MRPL37: variants seen among roughly 807,000 people sequenced by gnomAD.
The protein encoded by MRPL37 is large ribosomal subunit protein mL37.
Under a neutral mutation model 44.1 loss-of-function variants are expected in MRPL37, and 34 were observed. The ratio of observed to expected loss-of-function variants is 0.77; its 90% CI spans 0.59 to 1.03. The LOEUF (loss-of-function observed/expected upper bound fraction) is 1.03, where lower values mean the gene tolerates loss of function less well. Among genes scored for constraint, MRPL37 ranks in the 50% least tolerant of loss-of-function variants. The pLI is 0.00. For missense variants in MRPL37, 532 were observed against 543.7 expected, an observed-to-expected ratio of 0.98 and a Z score of 0.21; for synonymous variants, 212 against 219.5, an observed-to-expected ratio of 0.97 and a Z score of 0.30.
chr1:54,220,601 C>T (rs41309151), downstream of MRPL37: 15,140 of 469,266 alleles, frequency 0.032, 351 homozygotes, highest in Non-Finnish European at 0.046. Context: ...GACAGCTGCC[C>T]CCTCCACAGA....
At chr1:54,212,412 C>G in intron 4 of MRPL37, 89 bp from the exon 5 acceptor site, 1 of 1,482,766 alleles carries the variant, frequency 6.7e-7, no homozygotes, top group Non-Finnish European at 9.3e-7. Flanking sequence ...TAGCACCTGT[C>G]CCTGGGCTAA....
At position 54,200,581 on chromosome 1, in the gene MRPL37, T is replaced by G; in HGVS notation, c.338T>G (p.Leu113Arg). 6.3e-7 allele frequency: 1 copy of G among 1,593,854 alleles called. No individual in the cohort carries two copies. The highest frequency in any genetic ancestry group is 8.6e-7 in the Non-Finnish European group (1 of 1,165,512). ...TATATCTTTCACCACCGTTGCCGCC[T>G]TCTCGAGGGTGAGGCCCCAGGACGG... ...ACYIFHHRCRLLEGVKQALWL... is the reference protein window; with the variant it reads ...ACYIFHHRCRRLEGVKQALWL... Residue 113 changes from leucine (L) to arginine (R), a missense_variant, in exon 1 of 7, where the codon CTT becomes CGT. Coordinates refer to ENST00000360840, the MANE Select transcript of MRPL37 (RefSeq NM_016491.4).
Position 54,200,487 on chromosome 1 carries a change from T to C in MRPL37, c.244T>C (p.Tyr82His). ...GATCTTTCCGCCCTGGGACCGCGGC[T>C]ACAAGGACCCAAGGTTCTACCGCTC... ...RPIFPPWDRGYKDPRFYRSPP... is the reference protein window; with the variant it reads ...RPIFPPWDRGHKDPRFYRSPP... Residue 82 changes from tyrosine (Y) to histidine (H), a missense_variant, in exon 1 of 7, where the codon TAC becomes CAC. Transcript: ENST00000360840. 6.2e-7 allele frequency: 1 copy of C among 1,614,222 alleles called. No individual in the cohort carries two copies. Among genetic ancestry groups the C allele is most frequent in the East Asian group, 2.2e-5 (1 of 44,884 alleles).
Position 54,205,436 on chromosome 1 carries a change from C to A in MRPL37, c.646+26C>A, listed in dbSNP as rs1036714778. 1.9e-6 allele frequency: 3 copies of A among 1,588,952 alleles called. No homozygotes were observed. In the African/African-American group the frequency reaches 4.0e-5, roughly 21 times the overall value. ...GTTGGTCATCTTGTACACCAGAAAGCCTTGGTCTGTTTTTTTTGCCTTTCT... is the reference window on the plus strand; with the variant it reads ...GTTGGTCATCTTGTACACCAGAAAGACTTGGTCTGTTTTTTTTGCCTTTCT... On this transcript the variant is annotated intron_variant, in intron 3 of 6. Coordinates refer to ENST00000360840, the MANE Select transcript of MRPL37 (RefSeq NM_016491.4).
downstream of MRPL37, chr1:54,220,751 G>A (rs767285848): frequency 4.2e-6 from 2 of 471,440 alleles, no homozygotes; most frequent in South Asian, 1.5e-5. Context: ...CAGCCAGTGA[G>A]CTGGTGAAGG....
chr1:54,213,446 T>C (rs937312832), intron 5 of MRPL37, among the ~76,000 whole-genome samples: 2 of 152,198 alleles, frequency 1.3e-5, no homozygotes, highest in Non-Finnish European at 2.9e-5. Context: ...TCCCATCTTA[T>C]TTGGCCTAGG....
chr1:54,201,694 T>G (rs867704290), intron 1 of MRPL37, among the ~76,000 whole-genome samples: 34 of 152,166 alleles, frequency 2.2e-4, no homozygotes, highest in African/African-American at 7.2e-4. Context: ...CATACTCAGA[T>G]TCTCCTCCTA....
intron 3 of MRPL37, among the ~76,000 whole-genome samples, chr1:54,208,572 A>G (rs1416548348): frequency 7.3e-6 from 1 of 136,374 alleles, no homozygotes; most frequent in African/African-American, 2.6e-5. Flanking sequence ...AAAAAAAAGA[A>G]TCTCCTCTCT....
chr1:54,205,234 TA>T, intron 2 of MRPL37, 33 bp downstream of exon 2: 1 of 1,608,358 alleles, frequency 6.2e-7, no homozygotes, highest in Non-Finnish European at 8.5e-7. Context: ...GATTTCCTAC[TA>T]ATGGATCTTC....
intron 6 of MRPL37, among the ~76,000 whole-genome samples, chr1:54,216,680 T>A (rs1644200241): frequency 1.3e-5 from 2 of 152,164 alleles, no homozygotes; most frequent in African/African-American, 4.8e-5. Context: ...CATTACTGTT[T>A]GTCAGGCTAT....
chr1:54,219,882 C>T (rs998327227), downstream of MRPL37, among the ~76,000 whole-genome samples: 12 of 152,216 alleles, frequency 7.9e-5, no homozygotes, highest in Non-Finnish European at 1.8e-4. Flanking sequence ...CACATCACCA[C>T]ATAGGATCTC....
chr1:54,202,516 T>C (rs1181627664), intron 1 of MRPL37, among the ~76,000 whole-genome samples: 1 of 152,064 alleles, frequency 6.6e-6, no homozygotes, highest in African/African-American at 2.4e-5. Flanking sequence ...TCTCTCTTTT[T>C]TTTTCTTTCG....
At chr1:54,211,871 A>C (rs1644167785) in intron 4 of MRPL37, among the ~76,000 whole-genome samples, 1 of 152,182 alleles carries the variant, frequency 6.6e-6, no homozygotes, top group Non-Finnish European at 1.5e-5. Context: ...CAGCCTACCA[A>C]GAGTTACTCG....
chr1:54,206,905 TTGTGTG>T (rs56169941), intron 3 of MRPL37, among the ~76,000 whole-genome samples: 25,969 of 150,190 alleles, frequency 0.17, 2,585 homozygotes, highest in East Asian at 0.47. Context: ...CAGCTAATTT[TTGTGTG>T]TGTGTGTGTG....
chr1:54,216,142 A>G lies in MRPL37; in HGVS notation c.992A>G (p.Asn331Ser). 6.2e-7 allele frequency: 1 copy of G among 1,614,218 alleles called. No homozygotes were observed. The highest frequency in any genetic ancestry group is 1.7e-4 in the Middle Eastern group (1 of 6,060). ...TTCCTTGTCCCCTTTTCCTCTCAGA[A>G]TGATGCCAAGGTCTTGGAGCAGCCC... Reference protein sequence around the residue: ...ALAQARLLYGNDAKVLEQPVV... With the variant: ...ALAQARLLYGSDAKVLEQPVV... The change falls in exon 6 of 7, where the codon AAT becomes AGT. Residue 331 changes from asparagine to serine, a missense_variant and splice_region_variant. By Grantham distance (46) the Asn-to-Ser change is conservative (BLOSUM62 1). Transcript: ENST00000360840.
intron 1 of MRPL37, among the ~76,000 whole-genome samples, chr1:54,204,533 C>T (rs1430929083): frequency 1.3e-5 from 2 of 152,170 alleles, no homozygotes; most frequent in Non-Finnish European, 2.9e-5. Context: ...GGTTCCTTTC[C>T]CTTGAGAAGG....
chr1:54,212,386 T>C, intron 4 of MRPL37, 115 bp from the exon 5 acceptor site: 1 of 1,284,162 alleles, frequency 7.8e-7, no homozygotes, highest in South Asian at 1.4e-5. Flanking sequence ...GTATCCACCT[T>C]TGTTGAGTCT....
At chr1:54,223,421 A>G (rs1324329554), downstream of MRPL37, among the ~76,000 whole-genome samples, 1 of 152,196 alleles carries the variant, frequency 6.6e-6, no homozygotes, top group Non-Finnish European at 1.5e-5. Context: ...ACTTCATGGG[A>G]CAGCCGAGAC....
chr1:54,213,532 T>C (rs1313890733), intron 5 of MRPL37, among the ~76,000 whole-genome samples: 1 of 152,192 alleles, frequency 6.6e-6, no homozygotes, highest in Non-Finnish European at 1.5e-5. Context: ...ACCTGCTGCA[T>C]ACCACACATT....
Sources: gnomAD v4.1 joint callset for allele counts (sites outside exome capture counted in the v4.1 genomes callset) on GRCh38, gnomAD v4.1.1 for gene constraint, MANE v1.5 for transcripts, NCBI Gene and HGNC (gene_info 2026-07-23, HGNC 2026-07-21) for gene names.